ASIP: variants seen among roughly 807,000 people sequenced by gnomAD.
ASIP encodes the protein agouti signaling protein.
ASIP carries 11 observed loss-of-function variants against 10.3 expected under a neutral mutation model. The observed-to-expected ratio is 1.07, with a 90% CI of 0.68 to 1.78. ASIP has a LOEUF of 1.78. Ranked by LOEUF, ASIP falls within the 40% of genes most tolerant of loss-of-function variation. The probability of loss-of-function intolerance (pLI) is 0.00; values close to 1 mark genes in which losing one functional copy is unlikely to be tolerated. For synonymous variants in ASIP, 70 were observed against 70.8 expected (o/e 0.99, Z 0.06); for missense variants, 180 against 169.2 (o/e 1.06, Z -0.35).
chr20:34,248,377 A>G (rs1568762547), intron 1 of ASIP, among the ~76,000 whole-genome samples: 2 of 152,332 alleles, frequency 1.3e-5, no homozygotes, highest in Non-Finnish European at 2.9e-5. Flanking sequence ...CTTTTAAGTT[A>G]TAAAAATCCC....
At chr20:34,230,714 C>T (rs1219972934) in intron 1 of ASIP, among the ~76,000 whole-genome samples, 1 of 35,952 alleles carries the variant, frequency 2.8e-5, no homozygotes, top group Non-Finnish European at 4.6e-5. Flanking sequence ...GCTGGCCGGG[C>T]GGGGGGCTGA....
At chr20:34,243,572 A>T (rs182853706) in intron 1 of ASIP, among the ~76,000 whole-genome samples, 1 of 152,116 alleles carries the variant, frequency 6.6e-6, no homozygotes, top group South Asian at 2.1e-4. Flanking sequence ...TGTGGAGCAC[A>T]TGTTGATACA....
At position 34,256,772 on chromosome 20, in the gene ASIP, G is replaced by A. The variant is rs1414925154; in HGVS notation, c.-10-3593G>A. 2.6e-5 allele frequency among the ~76,000 whole-genome samples: 4 copies of A among 151,944 alleles called. No homozygotes were observed. The South Asian group carries it at 6.2e-4, about 24-fold the overall frequency. On this transcript the variant is annotated intron_variant, in intron 1 of 3. Transcript: ENST00000374954. ...ATGCCTCTTGTAACTTGCCTTAATC[G>A]AGCTCATTTGTTTTTGTTTTTGAGA... is the stretch of plus-strand genomic sequence containing the variant.
chr20:34,268,912 C>A, intron 3 of ASIP, 79 bp from the exon 4 acceptor site: 1 of 1,525,082 alleles, frequency 6.6e-7, no homozygotes, highest in South Asian at 1.2e-5. Context: ...TCTCCCTAGC[C>A]CGAGGAGCTC....
At chr20:34,196,285 T>C (rs2034856488) in intron 1 of ASIP, among the ~76,000 whole-genome samples, 1 of 146,066 alleles carries the variant, frequency 6.8e-6, no homozygotes, top group Admixed American at 6.9e-5. Flanking sequence ...GTTCACGCCA[T>C]TCTCCTGCCT....
At chr20:34,200,969 T>TTTCCTTCCTTCCTTCCTTCCTTCCTTCC (rs1179933802) in intron 1 of ASIP, among the ~76,000 whole-genome samples, 7 of 72,968 alleles carry the variant, frequency 9.6e-5, no homozygotes, top group East Asian at 8.3e-4. Flanking sequence ...TCTTTCTTTC[T>TTTCCTTCCTTCCTTCCTTCCTTCCTTCC]TTCCTTCCTT....
At chr20:34,218,700 G>T (rs1030734753) in intron 1 of ASIP, among the ~76,000 whole-genome samples, 12 of 146,690 alleles carry the variant, frequency 8.2e-5, no homozygotes, top group African/African-American at 2.8e-4. Flanking sequence ...TTTTTTTTTT[G>T]AGACCAGGCT....
In ASIP at chr20:34,214,274, G is replaced by T. The variant is rs1260990200; in HGVS notation, c.-11+19514G>T. ...TTGCACTGGAATGACGCAGACCTCT[G>T]TGATCTAAGAAAGCCATTAGTACAC... On this transcript the variant is annotated intron_variant, in intron 1 of 3. Transcript: ENST00000568305. 62 of 1,406,960 alleles carry T rather than the reference G, an allele frequency of 4.4e-5. No homozygotes were observed. In the South Asian group the frequency reaches 6.2e-4, roughly 14 times the overall value. 87.2% of individuals were successfully genotyped at this position (1,406,960 alleles called of 1,614,324 possible).
chr20:34,223,908 T>G (rs1441633532), intron 1 of ASIP, among the ~76,000 whole-genome samples: 1 of 102,988 alleles, frequency 9.7e-6, no homozygotes, highest in Non-Finnish European at 2.0e-5. Context: ...CCTGTTGATC[T>G]GTGACCTTAC....
In ASIP at chr20:34,260,483, A is replaced by G. The variant is rs771628085; in HGVS notation, c.109A>G (p.Arg37Gly). Residue 37 changes from arginine to glycine, a missense_variant, in exon 2 of 4, where the codon AGA (arginine) becomes GGA (glycine). Physicochemically the swap from Arg to Gly is moderately radical, Grantham distance 125 (BLOSUM62 -2). Transcript: ENST00000374954. ...EEKLRDDRSL[R>G]SNSSVNLLDV... ...GAAGCTCCGAGATGACAGGAGCCTG[A>G]GAAGCAACTCCTCTGTGAACCTACT... 3.7e-6 allele frequency: 6 copies of G among 1,614,060 alleles called. No homozygotes were observed. The highest frequency in any genetic ancestry group is 5.1e-6 in the Non-Finnish European group (6 of 1,179,958).
At chr20:34,258,978 G>T (rs1048175774) in intron 1 of ASIP, among the ~76,000 whole-genome samples, 9 of 145,814 alleles carry the variant, frequency 6.2e-5, no homozygotes, top group African/African-American at 2.3e-4. Context: ...TTAGGTGGGA[G>T]GATCACTTGA....
chr20:34,214,723 T>C (rs991871793), intron 1 of ASIP: 53 of 1,158,508 alleles, frequency 4.6e-5, no homozygotes, highest in Non-Finnish European at 6.7e-5. Flanking sequence ...ATAAGTCAAT[T>C]TTTTCATAAC....
upstream of ASIP, among the ~76,000 whole-genome samples, chr20:34,236,822 T>C: frequency 6.6e-6 from 1 of 152,358 alleles, no homozygotes; most frequent in Admixed American, 6.5e-5. Context: ...TCTTGAGTTT[T>C]ATAGTTTCAG....
chr20:34,221,480 C>G (rs776565744), intron 1 of ASIP, among the ~76,000 whole-genome samples: 11 of 152,134 alleles, frequency 7.2e-5, no homozygotes, highest in Non-Finnish European at 1.3e-4. Flanking sequence ...TATCATGTTC[C>G]AGGGACACTG....
At chr20:34,257,685 A>G (rs963651804) in intron 1 of ASIP, among the ~76,000 whole-genome samples, 2 of 152,194 alleles carry the variant, frequency 1.3e-5, no homozygotes, top group Non-Finnish European at 2.9e-5. Context: ...ATAACTATTC[A>G]TGATGTAATT....
intron 1 of ASIP, among the ~76,000 whole-genome samples, chr20:34,206,898 A>G (rs1393959176): frequency 2.6e-5 from 4 of 152,144 alleles, no homozygotes. Context: ...AAATCCATTC[A>G]TTTGTTGATG....
chr20:34,216,776 C>T (rs1381720957), intron 1 of ASIP, among the ~76,000 whole-genome samples: 3 of 152,182 alleles, frequency 2.0e-5, no homozygotes, highest in Admixed American at 2.0e-4. Context: ...TTCCATTCAT[C>T]TGTATCTGTC....
At chr20:34,251,275 C>T (rs986603519) in intron 1 of ASIP, among the ~76,000 whole-genome samples, 7 of 146,670 alleles carry the variant, frequency 4.8e-5, no homozygotes, top group Non-Finnish European at 9.0e-5. Context: ...CTCTGTGTAA[C>T]TTTTTTTTTT....
At chr20:34,257,072 T>C (rs893697642) in intron 1 of ASIP, among the ~76,000 whole-genome samples, 10 of 149,520 alleles carry the variant, frequency 6.7e-5, no homozygotes, top group Non-Finnish European at 1.5e-4. Flanking sequence ...TTCTTTCTCT[T>C]TTTTTTTTTT....
Sources: gnomAD v4.1 joint callset for allele counts (sites outside exome capture counted in the v4.1 genomes callset) on GRCh38, gnomAD v4.1.1 for gene constraint, MANE v1.5 for transcripts, NCBI Gene and HGNC (gene_info 2026-07-23, HGNC 2026-07-21) for gene names.